Variants in CNTN3 observed in about 807,000 individuals in gnomAD.
CNTN3 encodes contactin 3, also known as contactin-3.
A neutral mutation model predicts 119.1 loss-of-function variants in CNTN3; 60 were observed. The ratio of observed to expected loss-of-function variants is 0.50; its 90% CI spans 0.41 to 0.62. The LOEUF is 0.62. CNTN3 is among the 20% of genes least tolerant of loss of function. CNTN3 has a pLI of 0.00. For synonymous variants in CNTN3, 450 were observed against 438.7 expected, an observed-to-expected ratio of 1.03 and a Z score of -0.32; for missense variants, 1,101 against 1,242.4, an observed-to-expected ratio of 0.89 and a Z score of 1.71.
chr3:74,561,126 G>A (rs930877961), intron 1 of CNTN3, among the ~76,000 whole-genome samples: 1 of 151,150 alleles, frequency 6.6e-6, no homozygotes, highest in African/African-American at 2.4e-5. Context: ...GTATACATAT[G>A]TAACAAACCT....
chr3:74,373,121 G>A (rs184913295), intron 5 of CNTN3, among the ~76,000 whole-genome samples: 3 of 152,270 alleles, frequency 2.0e-5, no homozygotes, highest in Admixed American at 2.0e-4. Flanking sequence ...TAAGTTGTGA[G>A]CTCTAAAGTC....
intron 13 of CNTN3, among the ~76,000 whole-genome samples, chr3:74,326,306 A>G (rs1703129454): frequency 6.6e-6 from 1 of 152,120 alleles, no homozygotes; most frequent in African/African-American, 2.4e-5. Flanking sequence ...TACAAAGGAA[A>G]ACTATTACTT....
intron 20 of CNTN3, among the ~76,000 whole-genome samples, chr3:74,271,427 A>G (rs1423611200): frequency 6.6e-6 from 1 of 152,108 alleles, no homozygotes; most frequent in Non-Finnish European, 1.5e-5. Context: ...TTTTCCCCCA[A>G]ATTTTCTAAA....
intron 1 of CNTN3, among the ~76,000 whole-genome samples, chr3:74,544,330 G>A (rs946301228): frequency 3.3e-5 from 5 of 152,134 alleles, no homozygotes; most frequent in African/African-American, 4.8e-5. Flanking sequence ...GCCTTTCTGC[G>A]TTTTCAGATC....
At chr3:74,414,603 C>T (rs1380087934) in intron 5 of CNTN3, among the ~76,000 whole-genome samples, 1 of 152,134 alleles carries the variant, frequency 6.6e-6, no homozygotes, top group Non-Finnish European at 1.5e-5. Flanking sequence ...ACTGTGGAAT[C>T]TACATTTTAA....
Position 74,285,488 on chromosome 3 carries a change from G to A in CNTN3, c.2521C>T (p.Arg841Trp), listed in dbSNP as rs1413616023. The change falls in exon 20 of 23, where the codon CGG becomes TGG. Residue 841 changes from arginine to tryptophan, a missense_variant. Transcript: ENST00000263665. ...SNGHLLGYEV[R>W]YWNGGGKEES... ...TCCTTTCCACCCCCATTCCAGTACC[G>A]CACCTGGTGGGCGGAAGACACCAAA... The A allele has an allele frequency of 2.5e-6, 4 of 1,606,816 alleles. No individual in the cohort carries two copies. Among genetic ancestry groups the A allele is most frequent in the Non-Finnish European group, 3.4e-6 (4 of 1,177,092 alleles).
At chr3:74,424,650 A>G (rs544002069) in intron 5 of CNTN3, among the ~76,000 whole-genome samples, 195 bp downstream of exon 5, 1 of 152,322 alleles carries the variant, frequency 6.6e-6, no homozygotes, top group South Asian at 2.1e-4. Flanking sequence ...AAAGTCAATG[A>G]GTCGATTGTT....
chr3:74,489,065 C>A (rs1702912519), intron 3 of CNTN3, among the ~76,000 whole-genome samples: 1 of 152,100 alleles, frequency 6.6e-6, no homozygotes, highest in Non-Finnish European at 1.5e-5. Flanking sequence ...TACAGAAATT[C>A]AGAAAAGCAA....
At chr3:74,484,848 G>A (rs1024624897) in intron 4 of CNTN3, among the ~76,000 whole-genome samples, 1 of 152,084 alleles carries the variant, frequency 6.6e-6, no homozygotes, top group Non-Finnish European at 1.5e-5. Flanking sequence ...TCAACCAAAT[G>A]ATGTCCTCAC....
chr3:74,549,491 T>C (rs886436751), intron 1 of CNTN3, among the ~76,000 whole-genome samples: 2 of 152,018 alleles, frequency 1.3e-5, no homozygotes, highest in Admixed American at 6.6e-5. Context: ...GGCCTTGACA[T>C]GTGTTCCAAA....
intron 1 of CNTN3, among the ~76,000 whole-genome samples, chr3:74,525,963 A>G (rs1455933911): frequency 6.6e-6 from 1 of 151,908 alleles, no homozygotes; most frequent in Non-Finnish European, 1.5e-5. Flanking sequence ...CTTGAATATC[A>G]TCTTGGCAAA....
At chr3:74,392,632 T>A (rs1704942880) in intron 5 of CNTN3, among the ~76,000 whole-genome samples, 1 of 152,162 alleles carries the variant, frequency 6.6e-6, no homozygotes, top group South Asian at 2.1e-4. Context: ...TTCCCTGTCC[T>A]AGGGAGCTTA....
rs1702450763 is a variant in CNTN3 at position 74,301,387 on chromosome 3, A to T, written c.2095+11T>A. 2.5e-6 allele frequency: 4 copies of T among 1,610,762 alleles called. No homozygotes were observed. In the South Asian group the frequency reaches 3.3e-5, roughly 13 times the overall value. Reference sequence around the variant, plus strand: ...TCTATTAATCCATTACTCAGAAAAAAAAACACTAACCTGCCTCTTCAGTTC... The same window carrying T: ...TCTATTAATCCATTACTCAGAAAAATAAACACTAACCTGCCTCTTCAGTTC... On this transcript the variant is annotated intron_variant, in intron 16 of 22. Transcript: ENST00000263665.
chr3:74,456,202 A>ACATGTG (rs1471342329), intron 4 of CNTN3, among the ~76,000 whole-genome samples: 1 of 149,384 alleles, frequency 6.7e-6, no homozygotes, highest in Non-Finnish European at 1.5e-5. Flanking sequence ...TTAATGTTTT[A>ACATGTG]CATGTGTATA....
intron 20 of CNTN3, among the ~76,000 whole-genome samples, chr3:74,281,186 G>C (rs1701999683): frequency 6.6e-6 from 1 of 152,116 alleles, no homozygotes; most frequent in South Asian, 2.1e-4. Flanking sequence ...GTTCTGAGCA[G>C]GGAAGTGACA....
chr3:74,545,211 T>G (rs6549627), intron 1 of CNTN3, among the ~76,000 whole-genome samples: 150,448 of 152,290 alleles, frequency 0.99, 74,325 homozygotes, highest in Middle Eastern at 1. Context: ...CAAACTAAAA[T>G]TAGGATGTCT....
chr3:74,577,875 T>C (rs1447832), intron 1 of CNTN3, among the ~76,000 whole-genome samples: 19,728 of 152,070 alleles, frequency 0.13, 1,652 homozygotes, highest in Non-Finnish European at 0.18. Flanking sequence ...GAAACATGCC[T>C]GGCACAAGGC....
At chr3:74,411,831 A>G (rs539887805) in intron 5 of CNTN3, among the ~76,000 whole-genome samples, 1 of 152,210 alleles carries the variant, frequency 6.6e-6, no homozygotes, top group Non-Finnish European at 1.5e-5. Flanking sequence ...GAAGGTGATC[A>G]GTAAATGGTA....
chr3:74,341,298 C>G (rs891162864), intron 11 of CNTN3, among the ~76,000 whole-genome samples: 2 of 152,136 alleles, frequency 1.3e-5, no homozygotes, highest in African/African-American at 2.4e-5. Context: ...TACAGAGATT[C>G]AAAGTGAAAA....
Sources: gnomAD v4.1 joint callset for allele counts (sites outside exome capture counted in the v4.1 genomes callset) on GRCh38, gnomAD v4.1.1 for gene constraint, MANE v1.5 for transcripts, NCBI Gene and HGNC (gene_info 2026-07-23, HGNC 2026-07-21) for gene names.